Variants in CLEC12B observed in about 807,000 individuals in gnomAD.
CLEC12B encodes the protein C-type lectin domain family 12 member B.
CLEC12B carries 25 observed loss-of-function variants against 36.1 expected under a neutral mutation model. The ratio of observed to expected loss-of-function variants is 0.69; its 90% CI spans 0.50 to 0.97. The LOEUF (loss-of-function observed/expected upper bound fraction) is 0.97. Among genes scored for constraint, CLEC12B ranks in the 50% least tolerant of loss-of-function variants. The pLI is 0.00. For synonymous variants in CLEC12B, 110 were observed against 108.5 expected, an observed-to-expected ratio of 1.01 and a Z score of -0.09; for missense variants, 325 against 318.4, an observed-to-expected ratio of 1.02 and a Z score of -0.16.
At chr12:10,017,361 CAGG>C in intron 5 of CLEC12B, 3 of 985,282 alleles carry the variant, frequency 3.0e-6, no homozygotes, top group Non-Finnish European at 3.6e-6. Flanking sequence ...TGAGGGTTTC[CAGG>C]AGTAGTACTA....
Position 10,017,587 on chromosome 12 carries a change from C to T in CLEC12B, c.681-744C>T, listed in dbSNP as rs529552152. 10 of 985,632 alleles carry T rather than the reference C, an allele frequency of 1.0e-5. No homozygotes were observed. In the South Asian group the frequency reaches 4.2e-4, roughly 42 times the overall value. 61.1% of individuals were successfully genotyped at this position (985,632 alleles called of 1,614,324 possible). ...GCATGTCAAACACAGGTTAGAGAGA[C>T]TGAGCTTCCAGATTGCATAGCCATT... On this transcript the variant is annotated intron_variant, in intron 5 of 5. Coordinates refer to ENST00000338896, the MANE Select transcript of CLEC12B (RefSeq NM_001129998.3).
Position 10,014,678 on chromosome 12 carries a change from G to C in CLEC12B, c.346G>C (p.Val116Leu), listed in dbSNP as rs637790. The C allele has an allele frequency of 0.91, 1,470,796 of 1,613,400 alleles. 670,632 individuals are homozygous for C. The highest frequency in any genetic ancestry group is 0.97 in the East Asian group (43,413 of 44,852). The change falls in exon 3 of 6, where the codon GTA becomes CTA. Residue 116 changes from valine (V) to leucine (L), a missense_variant. Coordinates refer to ENST00000338896, the MANE Select transcript of CLEC12B (RefSeq NM_001129998.3). ...EEFLKSQISS[V>L]LKRQEQMAIK... ...ATTTCTCAAGTCACAGATCTCCAGT[G>C]TACTGAAGAGGCAGGAACAAATGGC...
rs1164281409 is a variant in CLEC12B, at chr12:10,010,846, A to T, written c.87A>T (p.Lys29Asn). The change falls in exon 1 of 6, where the codon AAA becomes AAT. Residue 29 changes from lysine to asparagine, a missense_variant. By Grantham distance (94) the Lys-to-Asn change is moderately conservative. Transcript: ENST00000338896. The stretch of plus-strand genomic sequence containing the variant: ...ACCGAGATGGAAATAACCTAAGAAA[A>T]AGAGGTAGGAGTTCAGAGAAGACCA... ...RNNRDGNNLR[K>N]RGHPAPSPIW... 10 of 1,605,520 alleles carry T rather than the reference A, an allele frequency of 6.2e-6. No individual in the cohort carries two copies. Among genetic ancestry groups the T allele is most frequent in the Non-Finnish European group, 8.5e-6 (10 of 1,173,130 alleles).
chr12:10,010,165 CTG>C (rs1349541126), upstream of CLEC12B, among the ~76,000 whole-genome samples: 381 of 145,256 alleles, frequency 2.6e-3, 2 homozygotes, highest in African/African-American at 9.5e-3. Context: ...CTCTCTCTCT[CTG>C]TCTCTCTCTC....
upstream of CLEC12B, among the ~76,000 whole-genome samples, chr12:10,007,345 T>C (rs1865242629): frequency 6.6e-6 from 1 of 151,884 alleles, no homozygotes; most frequent in African/African-American, 2.4e-5. Flanking sequence ...GAAGGAAAAT[T>C]ACAAGCTTGA....
Position 10,017,867 on chromosome 12 carries a change from G to C in CLEC12B, c.681-464G>C, listed in dbSNP as rs189458802. 2.0e-4 allele frequency: 192 copies of C among 974,076 alleles called. No homozygotes were observed. The Middle Eastern group carries it at 2.1e-3, about 11-fold the overall frequency. The allele number at this position is 974,076 out of a possible 1,614,324, so 60.3% of individuals were successfully genotyped here. On this transcript the variant is annotated intron_variant, in intron 5 of 5. Coordinates refer to ENST00000338896, the MANE Select transcript of CLEC12B (RefSeq NM_001129998.3). Reference sequence around the variant, plus strand: ...CATTTCCTCTTTTAACGTCTGTCTTGTTCTCTTTTTACCCACCACATATGT... The same window carrying C: ...CATTTCCTCTTTTAACGTCTGTCTTCTTCTCTTTTTACCCACCACATATGT...
At chr12:10,014,387 G>A in intron 2 of CLEC12B, 136 bp from the exon 3 acceptor site, 3 of 599,610 alleles carry the variant, frequency 5.0e-6, no homozygotes, top group Non-Finnish European at 8.7e-6. Context: ...CATCTGGTTT[G>A]TTTCTTTCAT....
rs531867176 is a variant in CLEC12B, at chr12:10,011,959, C to T, written c.92-826C>T. On this transcript the variant is annotated intron_variant, in intron 1 of 5. Transcript: ENST00000338896. ...CTGTCATGCTGTATCTAAAACATTG[C>T]GCTAGATGTTATTTGGACCTAAATC... Among the ~76,000 whole-genome samples the T allele has an allele frequency of 6.6e-5, 10 of 152,174 alleles. No individual in the cohort carries two copies. The East Asian group carries it at 1.4e-3, about 21-fold the overall frequency.
intron 5 of CLEC12B, 183 bp downstream of exon 5, chr12:10,015,910 C>G: frequency 7.1e-7 from 1 of 1,400,598 alleles, no homozygotes; most frequent in Non-Finnish European, 9.3e-7. Context: ...AAATTTATAG[C>G]AAGGCACTGA....
rs543510508 is a variant in CLEC12B at position 10,012,332 on chromosome 12, A to G, written c.92-453A>G. 1.4e-4 allele frequency among the ~76,000 whole-genome samples: 21 copies of G among 152,312 alleles called. No individual in the cohort carries two copies. In the East Asian group the frequency reaches 1.7e-3, roughly 13 times the overall value. ...TTTAGATCTCTCATTTATGAATTCA[A>G]TAAACTTGAGGAAGAAAAGTGGGCA... is the stretch of plus-strand genomic sequence containing the variant. On this transcript the variant is annotated intron_variant, in intron 1 of 5. Coordinates refer to ENST00000338896, the MANE Select transcript of CLEC12B (RefSeq NM_001129998.3).
At chr12:10,016,229 C>G (rs1447640575) in intron 5 of CLEC12B, 4 of 153,894 alleles carry the variant, frequency 2.6e-5, no homozygotes, top group African/African-American at 9.6e-5. Flanking sequence ...CAACCATTTT[C>G]TAACAAAAAG....
At chr12:10,009,338 G>A (rs1865270542), upstream of CLEC12B, among the ~76,000 whole-genome samples, 1 of 152,030 alleles carries the variant, frequency 6.6e-6, no homozygotes, top group Non-Finnish European at 1.5e-5. Flanking sequence ...ACCAACTCCG[G>A]ACACGGACCA....
In CLEC12B at chr12:10,015,261, G is replaced by T. The variant is rs767012806; in HGVS notation, c.419G>T (p.Cys140Phe). The stretch of plus-strand genomic sequence containing the variant: ...ATAATTTCCTTTTCAGACCACAGAT[G>T]TAATCCATGTCCTAAGATGTGGCAA... Reference protein sequence around the residue: ...ELIIHTSDHRCNPCPKMWQWY... With the variant: ...ELIIHTSDHRFNPCPKMWQWY... The change falls in exon 4 of 6, where the codon TGT (cysteine) becomes TTT (phenylalanine). Residue 140 changes from cysteine to phenylalanine, a missense_variant. By Grantham distance (205) the Cys-to-Phe change is radical (BLOSUM62 -2). Coordinates refer to ENST00000338896, the MANE Select transcript of CLEC12B (RefSeq NM_001129998.3). 1.7e-5 allele frequency: 27 copies of T among 1,612,004 alleles called. No individual in the cohort carries two copies. The highest frequency in any genetic ancestry group is 2.1e-5 in the Non-Finnish European group (25 of 1,178,702).
chr12:10,017,186 T>A, intron 5 of CLEC12B: 1 of 985,324 alleles, frequency 1.0e-6, no homozygotes, highest in Non-Finnish European at 1.2e-6. Context: ...CTAATCACCA[T>A]TATTAATCAT....
intron 5 of CLEC12B, chr12:10,017,555 C>T (rs3736850): frequency 0.034 from 33,237 of 985,370 alleles, 769 homozygotes; most frequent in African/African-American, 0.1. Flanking sequence ...AGCTGTCAGA[C>T]AAGCCAGCAT....
At position 10,018,638 on chromosome 12, in the gene CLEC12B, T is replaced by A; in HGVS notation, c.*157T>A. 1 of 637,666 alleles carries A rather than the reference T, an allele frequency of 1.6e-6. No individual in the cohort carries two copies. The highest frequency in any genetic ancestry group is 2.7e-6 in the Non-Finnish European group (1 of 373,248). The allele number at this position is 637,666 out of a possible 1,614,324, so 39.5% of individuals were successfully genotyped here. On this transcript the variant is annotated 3_prime_UTR_variant, in exon 6 of 6. Coordinates refer to ENST00000338896, the MANE Select transcript of CLEC12B (RefSeq NM_001129998.3). ...CTTGTTTAACAGAACATTCTCCAGT[T>A]CCTTGTCTGACGTCTTCTGATTTGA... is the stretch of plus-strand genomic sequence containing the variant.
chr12:10,006,923 C>A (rs574472716), upstream of CLEC12B, among the ~76,000 whole-genome samples: 5 of 151,788 alleles, frequency 3.3e-5, no homozygotes, highest in African/African-American at 1.2e-4. Context: ...GGCGGGGTGG[C>A]AGGCGCCTGT....
chr12:10,011,658 T>C lies in CLEC12B; in HGVS notation c.91+808T>C, dbSNP rs1000533348. On this transcript the variant is annotated intron_variant, in intron 1 of 5. Transcript: ENST00000338896. ...GATTTAATATATAAGACCACATCTCTTATTTTCAGATATGTTAACTATCCA... is the reference window on the plus strand; with the variant it reads ...GATTTAATATATAAGACCACATCTCCTATTTTCAGATATGTTAACTATCCA... Among the ~76,000 whole-genome samples the C allele has an allele frequency of 2.6e-5, 4 of 152,216 alleles. No homozygotes were observed. The East Asian group carries it at 7.7e-4, about 29-fold the overall frequency.
At chr12:10,013,400 C>T (rs891584952) in intron 2 of CLEC12B, 1 of 162,056 alleles carries the variant, frequency 6.2e-6, no homozygotes, top group African/African-American at 2.4e-5. Context: ...ATACACCTTA[C>T]CAAGTAAGAG....
Sources: gnomAD v4.1 joint callset for allele counts (sites outside exome capture counted in the v4.1 genomes callset) on GRCh38, gnomAD v4.1.1 for gene constraint, MANE v1.5 for transcripts, NCBI Gene and HGNC (gene_info 2026-07-23, HGNC 2026-07-21) for gene names.